The following IFI44 variants were observed in gnomAD, a reference collection of about 807,000 sequenced individuals.
The protein encoded by IFI44 is interferon-induced protein 44.
IFI44 carries 42 observed loss-of-function variants against 45.0 expected under a neutral mutation model. The observed-to-expected ratio is 0.93, with a 90% CI of 0.73 to 1.21. The LOEUF is 1.21. IFI44 is among the 50% of genes most tolerant of loss of function. The pLI is 0.00. For missense variants in IFI44, 623 were observed against 525.8 expected, an observed-to-expected ratio of 1.18 and a Z score of -1.81; for synonymous variants, 221 against 188.6, an observed-to-expected ratio of 1.17 and a Z score of -1.41.
In IFI44 at chr1:78,650,240, G is replaced by A; in HGVS notation, c.45G>A (p.Leu15=). 7.5e-6 allele frequency: 12 copies of A among 1,609,538 alleles called. No homozygotes were observed. The highest frequency in any genetic ancestry group is 9.4e-6 in the Non-Finnish European group (11 of 1,176,116). The change falls in exon 2 of 9, where the codon CTG becomes CTA. Residue 15 remains leucine, a synonymous_variant. Coordinates refer to ENST00000370747, the MANE Select transcript of IFI44 (RefSeq NM_006417.5). Reference sequence around the variant, plus strand: ...TGACATGGTTGCACGAAAAGATCCTGCAAAATCATTTTGGAGGGAAGCGGC... The same window carrying A: ...TGACATGGTTGCACGAAAAGATCCTACAAAATCATTTTGGAGGGAAGCGGC... The part of the protein sequence containing the change: ...TRLTWLHEKI[L]QNHFGGKRLS...
chr1:78,650,414 G>A lies in IFI44; in HGVS notation c.219G>A (p.Lys73=). Residue 73 remains lysine (K), a synonymous_variant, in exon 2 of 9, where the codon AAG becomes AAA. Coordinates refer to ENST00000370747, the MANE Select transcript of IFI44 (RefSeq NM_006417.5). ...AYAEESYQEG[K]YASIILFALQ... ...CAGAAGAGAGTTACCAGGAAGGAAAGTATGCTTCCATCATCCTTTTTGCAC... is the reference window on the plus strand; with the variant it reads ...CAGAAGAGAGTTACCAGGAAGGAAAATATGCTTCCATCATCCTTTTTGCAC... The A allele has an allele frequency of 6.2e-7, 1 of 1,613,614 alleles. No homozygotes were observed. The highest frequency in any genetic ancestry group is 1.1e-5 in the South Asian group (1 of 91,080).
chr1:78,651,585 G>T (rs957314932), intron 2 of IFI44, among the ~76,000 whole-genome samples: 3 of 152,152 alleles, frequency 2.0e-5, no homozygotes, highest in Non-Finnish European at 4.4e-5. Context: ...GGGAGTTGGG[G>T]ACCCCTGCCA....
At position 78,650,653 on chromosome 1, in the gene IFI44, G is replaced by C; in HGVS notation, c.457+1G>C. 6.4e-7 allele frequency: 1 copy of C among 1,563,992 alleles called. No homozygotes were observed. The highest frequency in any genetic ancestry group is 1.4e-5 in the African/African-American group (1 of 73,282). On this transcript the variant is annotated splice_donor_variant, in intron 2 of 8. Coordinates refer to ENST00000370747, the MANE Select transcript of IFI44 (RefSeq NM_006417.5). LOFTEE classifies it high-confidence loss of function. ...GATTATGAAGTTTTTCGATGCGAAG[G>C]TAGGTTTAATTAGATAATCCTGTAG...
intron 7 of IFI44, 58 bp from the exon 8 acceptor site, chr1:78,662,645 CT>C: frequency 7.5e-7 from 1 of 1,335,072 alleles, no homozygotes; most frequent in East Asian, 2.3e-5. Flanking sequence ...ATAATTTATA[CT>C]AACATAAAAT....
intron 5 of IFI44, among the ~76,000 whole-genome samples, chr1:78,656,673 CTTTG>C (rs893914454): frequency 6.7e-6 from 1 of 149,962 alleles, no homozygotes; most frequent in African/African-American, 2.5e-5. Context: ...GTTTTTTGTG[CTTTG>C]TTTGATCATT....
In IFI44 at chr1:78,662,789, C is replaced by T; in HGVS notation, c.1199C>T (p.Pro400Leu). The T allele has an allele frequency of 2.5e-6, 4 of 1,613,686 alleles. No individual in the cohort carries two copies. The highest frequency in any genetic ancestry group is 1.3e-5 in the African/African-American group (1 of 74,912). The change falls in exon 8 of 9, where the codon CCT becomes CTT. Residue 400 changes from proline to leucine, a missense_variant. Transcript: ENST00000370747. ...TATTCCTCTGAGTGGGAGCTGGACCCTGTAAAGGATGTTCTAATTCTTTCT... is the reference window on the plus strand; with the variant it reads ...TATTCCTCTGAGTGGGAGCTGGACCTTGTAAAGGATGTTCTAATTCTTTCT... Reference protein sequence around the residue: ...SNYSSEWELDPVKDVLILSAL... With the variant: ...SNYSSEWELDLVKDVLILSAL...
At chr1:78,659,197 A>G (rs766063904) in intron 5 of IFI44, 115 bp from the exon 6 acceptor site, 21 of 801,112 alleles carry the variant, frequency 2.6e-5, no homozygotes, top group Non-Finnish European at 4.0e-5. Context: ...GCCTCATACT[A>G]TTAGAGACTT....
chr1:78,655,822 C>T (rs573423808), intron 5 of IFI44, among the ~76,000 whole-genome samples: 2 of 152,276 alleles, frequency 1.3e-5, no homozygotes, highest in Admixed American at 1.3e-4. Context: ...TGGCAGCTAT[C>T]TGAAGTTACT....
At position 78,663,759 on chromosome 1, in the gene IFI44, T is replaced by C. The variant is rs752899021; in HGVS notation, c.1289-6T>C. 3.1e-6 allele frequency: 5 copies of C among 1,611,738 alleles called. No individual in the cohort carries two copies. The East Asian group carries it at 8.9e-5, about 29-fold the overall frequency. Reference sequence around the variant, plus strand: ...CACTAAGAATATTTTGTGTTTCTTTTCTCAGGGAATCTAAGGGAGGAAATT... The same window carrying C: ...CACTAAGAATATTTTGTGTTTCTTTCCTCAGGGAATCTAAGGGAGGAAATT... On this transcript the variant is annotated splice_polypyrimidine_tract_variant and splice_region_variant and intron_variant, in intron 8 of 8. Coordinates refer to ENST00000370747, the MANE Select transcript of IFI44 (RefSeq NM_006417.5).
intron 5 of IFI44, among the ~76,000 whole-genome samples, chr1:78,658,177 G>A (rs920995040): frequency 5.9e-5 from 9 of 152,108 alleles, no homozygotes; most frequent in African/African-American, 2.2e-4. Flanking sequence ...TCGTATATCT[G>A]CTTTCACCCA....
chr1:78,662,985 G>A (rs1042812953), intron 8 of IFI44, 107 bp downstream of exon 8: 2 of 1,596,456 alleles, frequency 1.3e-6, no homozygotes, highest in African/African-American at 1.4e-5. Context: ...GTGGGTTGTT[G>A]CCCTGTGATT....
intron 5 of IFI44, among the ~76,000 whole-genome samples, chr1:78,656,569 T>C (rs1483735935): frequency 2.0e-5 from 3 of 152,186 alleles, no homozygotes; most frequent in East Asian, 3.9e-4. Context: ...TAATCAATTA[T>C]GGCTTGATAA....
rs148076801 is a variant in IFI44 at position 78,660,208 on chromosome 1, C to A, written c.1013-346C>A. The stretch of plus-strand genomic sequence containing the variant: ...TTCTCCCCCATCTTGTTTATTAGAG[C>A]CCTTTGGTCTTTAGTCTCTGTCAAA... On this transcript the variant is annotated intron_variant, in intron 6 of 8. Transcript: ENST00000370747. 1.3e-4 allele frequency among the ~76,000 whole-genome samples: 20 copies of A among 152,228 alleles called. 1 individual carries two copies. In the East Asian group the frequency reaches 3.1e-3, roughly 23 times the overall value.
In IFI44 at chr1:78,664,017, T is replaced by A. The variant is rs1290720433; in HGVS notation, c.*206T>A. 1 of 392,958 alleles carries A rather than the reference T, an allele frequency of 2.5e-6. No homozygotes were observed. Among genetic ancestry groups the A allele is most frequent in the Non-Finnish European group, 4.4e-6 (1 of 226,186 alleles). The allele number at this position is 392,958 out of a possible 1,614,324, so 24.3% of individuals were successfully genotyped here. ...CATAATTGTGAAAAATAATAATAAT[T>A]TTTCTTGGATTTATGTTCTGTATCT... On this transcript the variant is annotated 3_prime_UTR_variant, in exon 9 of 9. Transcript: ENST00000370747.
At chr1:78,661,026 A>G (rs1453494528) in intron 7 of IFI44, among the ~76,000 whole-genome samples, 46 of 152,184 alleles carry the variant, frequency 3.0e-4, no homozygotes, top group Non-Finnish European at 1.6e-4. Context: ...ATTAATGACA[A>G]GAAAATAACC....
chr1:78,654,201 C>A (rs79518871), intron 2 of IFI44, 42 bp from the exon 3 acceptor site: 2 of 1,097,114 alleles, frequency 1.8e-6, no homozygotes, highest in Non-Finnish European at 2.8e-6. Context: ...GCCAATTATT[C>A]GACAACTTCT....
Position 78,655,108 on chromosome 1 carries a change from G to A in IFI44, c.589G>A (p.Ala197Thr). 6.2e-7 allele frequency: 1 copy of A among 1,613,934 alleles called. No homozygotes were observed. The highest frequency in any genetic ancestry group is 8.5e-7 in the Non-Finnish European group (1 of 1,179,886). The change falls in exon 4 of 9, where the codon GCT becomes ACT. Residue 197 changes from alanine (A) to threonine (T), a missense_variant. Ala to Thr is a moderately conservative substitution (Grantham distance 58). Coordinates refer to ENST00000370747, the MANE Select transcript of IFI44 (RefSeq NM_006417.5). ...IRILLLGPIGAGKSSFFNSVR... is the reference protein window; with the variant it reads ...IRILLLGPIGTGKSSFFNSVR... The stretch of plus-strand genomic sequence containing the variant: ...AATTCTGCTGCTGGGTCCAATTGGA[G>A]CTGGGAAGTCCAGCTTTTTCAACTC...
intron 2 of IFI44, among the ~76,000 whole-genome samples, chr1:78,652,276 T>G (rs796346817): frequency 6.6e-6 from 1 of 152,124 alleles, no homozygotes; most frequent in Non-Finnish European, 1.5e-5. Context: ...AGAGACAGGG[T>G]TTCACCTTGC....
intron 5 of IFI44, 147 bp downstream of exon 5, chr1:78,655,658 T>A: frequency 1.5e-6 from 1 of 668,284 alleles, no homozygotes; most frequent in Non-Finnish European, 2.4e-6. Flanking sequence ...TAAAAACATC[T>A]CGAGGGCTCT....
Sources: allele counts gnomAD v4.1 joint callset (sites outside exome capture counted in the v4.1 genomes callset), GRCh38; gene constraint gnomAD v4.1.1; transcripts MANE v1.5; gene names NCBI Gene and HGNC (gene_info 2026-07-23, HGNC 2026-07-21).